ADGRB3: variants seen among roughly 807,000 people sequenced by gnomAD.
ADGRB3 encodes adhesion G protein-coupled receptor B3, also known as brain-specific angiogenesis inhibitor 3.
Under a neutral mutation model 193.4 loss-of-function variants are expected in ADGRB3, and 37 were observed. The ratio of observed to expected loss-of-function variants is 0.19; its 90% confidence interval spans 0.15 to 0.25. The LOEUF (loss-of-function observed/expected upper bound fraction) is 0.25, where lower values mean the gene tolerates loss of function less well. ADGRB3 is among the 10% of genes least tolerant of loss of function. The probability of loss-of-function intolerance (pLI) is 1.00; values close to 1 mark genes in which losing one functional copy is unlikely to be tolerated. For synonymous variants in ADGRB3, 690 were observed against 644.2 expected (o/e 1.07, Z -1.08); for missense variants, 1,637 against 1,852.9 (o/e 0.88, Z 2.14).
At chr6:68,659,078 A>G (rs1171379527) in intron 3 of ADGRB3, among the ~76,000 whole-genome samples, 2 of 151,056 alleles carry the variant, frequency 1.3e-5, no homozygotes, top group African/African-American at 4.8e-5. Flanking sequence ...GTAACTCTCA[A>G]CTTTTATTTA....
rs757050021 is a variant in ADGRB3 at position 69,361,528 on chromosome 6, T to G, written c.4239+16T>G. The G allele has an allele frequency of 3.1e-5, 50 of 1,597,378 alleles. No homozygotes were observed. The highest frequency in any genetic ancestry group is 4.2e-5 in the Non-Finnish European group (49 of 1,171,242). ...TTCTTTAGAGGTGAGCCACAGAAGA[T>G]TAAATTTTTCCTTGATAGTTGAAAT... On this transcript the variant is annotated intron_variant, in intron 29 of 31. Transcript: ENST00000370598.
At chr6:68,898,533 T>C (rs1766305732) in intron 3 of ADGRB3, among the ~76,000 whole-genome samples, 1 of 152,150 alleles carries the variant, frequency 6.6e-6, no homozygotes, top group South Asian at 2.1e-4. Context: ...TTCAGAGTAT[T>C]TGCTTTGAGA....
chr6:69,043,144 C>G (rs1477495626), intron 13 of ADGRB3, among the ~76,000 whole-genome samples: 1 of 151,876 alleles, frequency 6.6e-6, no homozygotes, highest in African/African-American at 2.4e-5. Context: ...TTTTTTTAAC[C>G]TGGCTGATCT....
intron 16 of ADGRB3, among the ~76,000 whole-genome samples, chr6:69,072,099 T>G (rs994926133): frequency 3.3e-5 from 5 of 152,184 alleles, no homozygotes; most frequent in African/African-American, 1.2e-4. Flanking sequence ...AAGTGACTAG[T>G]CTATTTAGGT....
chr6:68,921,253 T>C (rs1173151169), intron 3 of ADGRB3, among the ~76,000 whole-genome samples: 1 of 152,120 alleles, frequency 6.6e-6, no homozygotes, highest in Non-Finnish European at 1.5e-5. Context: ...CGACTATATA[T>C]GTTATGTAAA....
At chr6:68,944,282 G>A (rs1221371347) in intron 6 of ADGRB3, among the ~76,000 whole-genome samples, 1 of 151,926 alleles carries the variant, frequency 6.6e-6, no homozygotes, top group African/African-American at 2.4e-5. Flanking sequence ...TTCCTTCTGG[G>A]AAAATTACAA....
chr6:68,688,492 A>G (rs1448291975), intron 3 of ADGRB3, among the ~76,000 whole-genome samples: 1 of 152,118 alleles, frequency 6.6e-6, no homozygotes, highest in Admixed American at 6.6e-5. Context: ...ACAAAACCCA[A>G]ATATAAAGAA....
At chr6:68,860,225 C>A (rs1765114986) in intron 3 of ADGRB3, among the ~76,000 whole-genome samples, 1 of 151,972 alleles carries the variant, frequency 6.6e-6, no homozygotes, top group Non-Finnish European at 1.5e-5. Flanking sequence ...GGGGAAGAAT[C>A]TTTATTTTAT....
chr6:69,202,642 C>A (rs2150358340), intron 17 of ADGRB3, among the ~76,000 whole-genome samples: 1 of 152,236 alleles, frequency 6.6e-6, no homozygotes, highest in Non-Finnish European at 1.5e-5. Flanking sequence ...ATATTTAGAA[C>A]TAAGTTAATC....
At chr6:68,906,393 G>A (rs1029835965) in intron 3 of ADGRB3, among the ~76,000 whole-genome samples, 5 of 149,772 alleles carry the variant, frequency 3.3e-5, no homozygotes, top group African/African-American at 1.3e-4. Flanking sequence ...GTTGCTTGTA[G>A]CCTACAAGCA....
In ADGRB3 at chr6:68,648,611, A is replaced by G. The variant is rs1768272796; in HGVS notation, c.757+9179A>G. Among the ~76,000 whole-genome samples the G allele has an allele frequency of 2.0e-5, 3 of 151,116 alleles. No homozygotes were observed. The Admixed American group carries it at 2.0e-4, about 10-fold the overall frequency. On this transcript the variant is annotated intron_variant, in intron 3 of 31. Transcript: ENST00000370598. Reference sequence around the variant, plus strand: ...AATCATTAAGAAAATTGTGGAGTCAACCACGGAAGATTATGTAGGTAGAAT... The same window carrying G: ...AATCATTAAGAAAATTGTGGAGTCAGCCACGGAAGATTATGTAGGTAGAAT...
At chr6:69,287,328 G>C (rs752999466) in intron 20 of ADGRB3, among the ~76,000 whole-genome samples, 5 of 152,092 alleles carry the variant, frequency 3.3e-5, no homozygotes, top group Admixed American at 6.6e-5. Context: ...CAGAGGAATT[G>C]AGATTTCCTC....
chr6:69,254,107 C>T (rs1001754213), intron 20 of ADGRB3, among the ~76,000 whole-genome samples: 4 of 152,142 alleles, frequency 2.6e-5, no homozygotes, highest in African/African-American at 9.7e-5. Context: ...AGCAAACACC[C>T]TTTAACTTTA....
chr6:69,311,021 G>T (rs1398127832), intron 20 of ADGRB3, among the ~76,000 whole-genome samples: 2 of 151,636 alleles, frequency 1.3e-5, no homozygotes, highest in African/African-American at 4.8e-5. Context: ...AACCTGGTAG[G>T]GTTCCAAACT....
Position 69,183,574 on chromosome 6 carries a change from A to G in ADGRB3, c.2481-49716A>G, listed in dbSNP as rs369721494. 2.6e-4 allele frequency among the ~76,000 whole-genome samples: 40 copies of G among 152,236 alleles called. No homozygotes were observed. In the South Asian group the frequency reaches 8.3e-3, roughly 31 times the overall value. ...TTACCAAAGTACTTATAAAGCATTA[A>G]AAATCCTTGAACTAATTCTCAGAAC... is the stretch of plus-strand genomic sequence containing the variant. On this transcript the variant is annotated intron_variant, in intron 17 of 31. Transcript: ENST00000370598.
chr6:69,384,258 A>T (rs1770014463), intron 31 of ADGRB3, among the ~76,000 whole-genome samples: 1 of 152,012 alleles, frequency 6.6e-6, no homozygotes. Context: ...TAAAGTAGGA[A>T]TCATGTATTA....
chr6:69,075,986 T>A lies in ADGRB3; in HGVS notation c.2437-9T>A, dbSNP rs550499666. 3.1e-6 allele frequency: 5 copies of A among 1,610,394 alleles called. No homozygotes were observed. In the South Asian group the frequency reaches 4.4e-5, roughly 14 times the overall value. ...AGATATATGCATTCTTTCTCTGCTT[T>A]TTTTTTAGGGTACTTTGAATCCCTA... On this transcript the variant is annotated splice_polypyrimidine_tract_variant and intron_variant, in intron 16 of 31. Coordinates refer to ENST00000370598, the MANE Select transcript of ADGRB3 (RefSeq NM_001704.3).
chr6:69,011,719 T>C (rs1178880428), intron 11 of ADGRB3, among the ~76,000 whole-genome samples: 1 of 152,110 alleles, frequency 6.6e-6, no homozygotes, highest in Non-Finnish European at 1.5e-5. Flanking sequence ...TTTAGGACTT[T>C]ATTAAATATC....
intron 3 of ADGRB3, among the ~76,000 whole-genome samples, chr6:68,883,215 A>G (rs906113063): frequency 6.6e-6 from 1 of 152,082 alleles, no homozygotes; most frequent in Non-Finnish European, 1.5e-5. Context: ...GGACTTGGAG[A>G]ACTTTTGTCT....
Sources: allele counts gnomAD v4.1 joint callset (sites outside exome capture counted in the v4.1 genomes callset), GRCh38; gene constraint gnomAD v4.1.1; transcripts MANE v1.5; gene names NCBI Gene and HGNC (gene_info 2026-07-23, HGNC 2026-07-21).